Variants in SGCZ observed in about 807,000 individuals in gnomAD.
The protein encoded by SGCZ is zeta-sarcoglycan.
A neutral mutation model predicts 41.3 loss-of-function variants in SGCZ; 40 were observed. The ratio of observed to expected loss-of-function variants is 0.97; its 90% confidence interval spans 0.75 to 1.26. SGCZ has a LOEUF of 1.26. Among genes scored for constraint, SGCZ ranks in the 50% most tolerant of loss-of-function variants. The probability of loss-of-function intolerance (pLI) is 0.00; values close to 1 mark genes in which losing one functional copy is unlikely to be tolerated. For missense variants in SGCZ, 552 were observed against 369.8 expected, an observed-to-expected ratio of 1.49 and a Z score of -4.04; for synonymous variants, 206 against 137.5, an observed-to-expected ratio of 1.50 and a Z score of -3.49.
intron 1 of SGCZ, among the ~76,000 whole-genome samples, chr8:14,713,701 A>AAG (rs1809595651): frequency 6.7e-6 from 1 of 149,834 alleles, no homozygotes; most frequent in Non-Finnish European, 1.5e-5. Flanking sequence ...AAAAGAAAAA[A>AAG]AAAAAAGCTA....
chr8:14,787,193 G>A (rs1402139064), intron 1 of SGCZ, among the ~76,000 whole-genome samples: 1 of 152,046 alleles, frequency 6.6e-6, no homozygotes, highest in Non-Finnish European at 1.5e-5. Flanking sequence ...CCATCTGCAG[G>A]GGCTGTTACA....
intron 5 of SGCZ, among the ~76,000 whole-genome samples, chr8:14,121,865 A>G (rs1404234225): frequency 6.6e-6 from 1 of 152,196 alleles, no homozygotes; most frequent in Non-Finnish European, 1.5e-5. Flanking sequence ...CCAAAAGACT[A>G]TGTAGGTTTT....
chr8:15,167,876 C>G (rs1799712302), intron 1 of SGCZ, among the ~76,000 whole-genome samples: 1 of 152,166 alleles, frequency 6.6e-6, no homozygotes, highest in Admixed American at 6.5e-5. Context: ...AAATCCTGAT[C>G]AATATTCTAG....
intron 2 of SGCZ, among the ~76,000 whole-genome samples, chr8:14,457,812 C>T (rs1800791511): frequency 6.6e-6 from 1 of 152,142 alleles, no homozygotes; most frequent in Admixed American, 6.5e-5. Context: ...CATTTTTTAC[C>T]CTGCCCCTTC....
chr8:14,274,036 C>T (rs535307252), intron 3 of SGCZ, among the ~76,000 whole-genome samples: 110 of 152,202 alleles, frequency 7.2e-4, no homozygotes, highest in Non-Finnish European at 1.4e-3. Flanking sequence ...GTGTAAAATT[C>T]CTCAGGGTAT....
At chr8:14,320,976 C>CAT (rs1448916395) in intron 3 of SGCZ, among the ~76,000 whole-genome samples, 2 of 152,080 alleles carry the variant, frequency 1.3e-5, no homozygotes, top group African/African-American at 4.8e-5. Context: ...CCTTGGGAAA[C>CAT]ATACTCCAAT....
At chr8:15,055,023 C>G (rs1010584786) in intron 1 of SGCZ, among the ~76,000 whole-genome samples, 1 of 151,388 alleles carries the variant, frequency 6.6e-6, no homozygotes, top group African/African-American at 2.4e-5. Flanking sequence ...TGTATATGAA[C>G]ATGTCACTTC....
intron 1 of SGCZ, among the ~76,000 whole-genome samples, chr8:14,758,304 C>G (rs1799751837): frequency 6.6e-6 from 1 of 152,154 alleles, no homozygotes; most frequent in Admixed American, 6.5e-5. Context: ...GGTGCTTTAT[C>G]TCTCACATTC....
At chr8:14,649,745 C>G (rs923658454) in intron 1 of SGCZ, among the ~76,000 whole-genome samples, 1 of 151,984 alleles carries the variant, frequency 6.6e-6, no homozygotes, top group Non-Finnish European at 1.5e-5. Context: ...GAAACAAACG[C>G]CTGTGAGGCT....
At chr8:14,475,215 TTTTA>T (rs1345784380) in intron 2 of SGCZ, among the ~76,000 whole-genome samples, 2 of 152,136 alleles carry the variant, frequency 1.3e-5, no homozygotes, top group Non-Finnish European at 2.9e-5. Context: ...AAATGTATAG[TTTTA>T]TTTGCTTTTT....
chr8:15,059,825 C>T (rs973707971), intron 1 of SGCZ, among the ~76,000 whole-genome samples: 1 of 152,142 alleles, frequency 6.6e-6, no homozygotes, highest in East Asian at 1.9e-4. Context: ...CGGTTAATGC[C>T]TTCAGTTCTT....
At chr8:14,397,698 G>T (rs11984851) in intron 2 of SGCZ, among the ~76,000 whole-genome samples, 5 of 151,818 alleles carry the variant, frequency 3.3e-5, no homozygotes, top group African/African-American at 9.7e-5. Flanking sequence ...CAATATGAAG[G>T]GCAGGTGAAT....
At chr8:14,298,387 T>C (rs186969125) in intron 3 of SGCZ, among the ~76,000 whole-genome samples, 1 of 151,988 alleles carries the variant, frequency 6.6e-6, no homozygotes, top group Admixed American at 6.6e-5. Flanking sequence ...TACATAATAC[T>C]AAGATTGAAA....
chr8:14,802,634 AAT>A (rs968320191), intron 1 of SGCZ, among the ~76,000 whole-genome samples: 5 of 152,046 alleles, frequency 3.3e-5, no homozygotes, highest in African/African-American at 9.7e-5. Context: ...GAAACACACA[AAT>A]ATATATATAT....
intron 3 of SGCZ, among the ~76,000 whole-genome samples, chr8:14,241,412 T>C (rs1419934997): frequency 6.7e-6 from 1 of 148,916 alleles, no homozygotes; most frequent in Non-Finnish European, 1.5e-5. Flanking sequence ...AGATATAATA[T>C]TTATATATAG....
intron 2 of SGCZ, among the ~76,000 whole-genome samples, chr8:14,388,616 G>A (rs1026303715): frequency 1.3e-5 from 2 of 151,900 alleles, no homozygotes; most frequent in African/African-American, 4.8e-5. Flanking sequence ...TTGAAACCAG[G>A]CCAGGAAAAT....
chr8:14,794,106 T>C (rs966888369), intron 1 of SGCZ, among the ~76,000 whole-genome samples: 2 of 152,104 alleles, frequency 1.3e-5, no homozygotes, highest in Non-Finnish European at 2.9e-5. Context: ...TCAAGGAAGT[T>C]CAAAAATCAA....
chr8:14,585,009 A>G (rs1805013274), intron 1 of SGCZ, among the ~76,000 whole-genome samples: 1 of 152,186 alleles, frequency 6.6e-6, no homozygotes, highest in African/African-American at 2.4e-5. Flanking sequence ...GGGCTACAAG[A>G]AATAGAAAAA....
At chr8:14,244,245 T>C (rs1399313372) in intron 3 of SGCZ, among the ~76,000 whole-genome samples, 1 of 151,892 alleles carries the variant, frequency 6.6e-6, no homozygotes, top group Non-Finnish European at 1.5e-5. Context: ...TCCTTCTTCC[T>C]CCTCCTTCTC....
Sources: allele counts gnomAD v4.1 joint callset (sites outside exome capture counted in the v4.1 genomes callset), GRCh38; gene constraint gnomAD v4.1.1; transcripts MANE v1.5; gene names NCBI Gene and HGNC (gene_info 2026-07-23, HGNC 2026-07-21).